Variants in CWF19L2 observed in about 807,000 individuals in gnomAD.
CWF19L2 encodes CWF19 like cell cycle control factor 2, also known as CWF19-like protein 2.
CWF19L2 carries 98 observed loss-of-function variants against 111.7 expected under a neutral mutation model. The ratio of observed to expected loss-of-function variants is 0.88; its 90% CI spans 0.75 to 1.04. The LOEUF is 1.04. Among genes scored for constraint, CWF19L2 ranks in the 50% least tolerant of loss-of-function variants. The probability of loss-of-function intolerance (pLI) is 0.00; values close to 1 mark genes in which losing one functional copy is unlikely to be tolerated. For missense variants in CWF19L2, 1,101 were observed against 1,051.4 expected, an observed-to-expected ratio of 1.05 and a Z score of -0.65; for synonymous variants, 351 against 342.9, an observed-to-expected ratio of 1.02 and a Z score of -0.26.
chr11:107,373,753 G>C lies in CWF19L2; in HGVS notation c.1872+16321C>G, dbSNP rs1383461980. Among the ~76,000 whole-genome samples the C allele has an allele frequency of 1.3e-4, 18 of 133,764 alleles. 3 individuals are homozygous for C. The highest frequency in any genetic ancestry group is 5.3e-4 in the African/African-American group (18 of 33,682). 87.8% of individuals were successfully genotyped at this position (133,764 alleles called of 152,430 possible). Reference sequence around the variant, plus strand: ...GGAACGCAGTTCCTCACCAGCAACGGAACAAAGCTGGATGGAGAATGACTT... The same window carrying C: ...GGAACGCAGTTCCTCACCAGCAACGCAACAAAGCTGGATGGAGAATGACTT... On this transcript the variant is annotated intron_variant, in intron 12 of 17. Transcript: ENST00000282251.
chr11:107,342,163 A>G (rs573420215), intron 14 of CWF19L2, among the ~76,000 whole-genome samples: 49 of 151,840 alleles, frequency 3.2e-4, no homozygotes, highest in African/African-American at 1.1e-3. Flanking sequence ...TCTTTTCTAT[A>G]AGTATTTAGT....
At chr11:107,358,289 G>C (rs1471165076) in intron 12 of CWF19L2, among the ~76,000 whole-genome samples, 2 of 147,812 alleles carry the variant, frequency 1.4e-5, no homozygotes, top group African/African-American at 5.1e-5. Context: ...ATTGGAAGAA[G>C]AACCATCTTG....
intron 10 of CWF19L2, among the ~76,000 whole-genome samples, chr11:107,413,648 G>A (rs910150180): frequency 6.6e-6 from 1 of 152,170 alleles, no homozygotes; most frequent in African/African-American, 2.4e-5. Flanking sequence ...TCTAGCTATC[G>A]TCCCAGTCCC....
chr11:107,368,681 A>C lies in CWF19L2; in HGVS notation c.1873-14945T>G, dbSNP rs1018375704. The stretch of plus-strand genomic sequence containing the variant: ...GCAGAATGTGTTTTTCTAATTAGCA[A>C]AACTTTCCAAATAGCTAAGGGTTTA... On this transcript the variant is annotated intron_variant, in intron 12 of 17. Coordinates refer to ENST00000282251, the MANE Select transcript of CWF19L2 (RefSeq NM_152434.3). Among the ~76,000 whole-genome samples, 13 of 138,492 alleles carry C rather than the reference A, an allele frequency of 9.4e-5. 4 individuals carry two copies. The highest frequency in any genetic ancestry group is 3.7e-4 in the African/African-American group (13 of 34,982). The allele number at this position is 138,492 out of a possible 152,430, so 90.9% of individuals were successfully genotyped here.
intron 12 of CWF19L2, among the ~76,000 whole-genome samples, chr11:107,375,618 A>T (rs1416249250): frequency 2.0e-4 from 27 of 133,308 alleles, no homozygotes; most frequent in African/African-American, 7.9e-4. Flanking sequence ...ACGCATTCAA[A>T]GCAGTGTGTA....
chr11:107,350,137 T>C (rs948444661), intron 13 of CWF19L2, among the ~76,000 whole-genome samples: 20 of 152,238 alleles, frequency 1.3e-4, no homozygotes, highest in Admixed American at 1.2e-3. Flanking sequence ...CTAAATAAAT[T>C]AGAACACACA....
intron 3 of CWF19L2, among the ~76,000 whole-genome samples, chr11:107,449,544 T>C (rs1050799002): frequency 6.6e-6 from 1 of 152,002 alleles, no homozygotes; most frequent in Non-Finnish European, 1.5e-5. Context: ...ATAACATATG[T>C]AGAAGTAAAA....
intron 10 of CWF19L2, among the ~76,000 whole-genome samples, chr11:107,393,247 T>C (rs1284100773): frequency 6.6e-6 from 1 of 152,172 alleles, no homozygotes; most frequent in Non-Finnish European, 1.5e-5. Context: ...AAAGATCCTA[T>C]TAAAATCTGA....
At chr11:107,442,252 T>C (rs1373300194) in intron 4 of CWF19L2, among the ~76,000 whole-genome samples, 2 of 152,214 alleles carry the variant, frequency 1.3e-5, no homozygotes, top group African/African-American at 4.8e-5. Flanking sequence ...TTCTAAACAT[T>C]CAGCAAACAG....
chr11:107,412,749 T>C (rs1861175647), intron 10 of CWF19L2, among the ~76,000 whole-genome samples: 1 of 152,206 alleles, frequency 6.6e-6, no homozygotes, highest in African/African-American at 2.4e-5. Flanking sequence ...TGTCCTCCAA[T>C]AGGTGAATGA....
chr11:107,413,469 G>A (rs1423993142), intron 10 of CWF19L2, among the ~76,000 whole-genome samples: 1 of 152,168 alleles, frequency 6.6e-6, no homozygotes, highest in Non-Finnish European at 1.5e-5. Flanking sequence ...GGTAGGACTG[G>A]AAAACAGGGC....
chr11:107,387,625 A>T (rs79318603), intron 12 of CWF19L2, among the ~76,000 whole-genome samples: 2,647 of 152,098 alleles, frequency 0.017, 59 homozygotes, highest in African/African-American at 0.059. Context: ...GTGGCAGGGC[A>T]GTGGTGGGGG....
chr11:107,397,894 T>G (rs1335257465), intron 10 of CWF19L2, among the ~76,000 whole-genome samples: 2 of 152,126 alleles, frequency 1.3e-5, no homozygotes, highest in African/African-American at 4.8e-5. Context: ...ACTTGCTGGG[T>G]GGCTAGACCC....
intron 7 of CWF19L2, among the ~76,000 whole-genome samples, chr11:107,431,959 A>C (rs1565281981): frequency 1.3e-5 from 2 of 152,204 alleles, no homozygotes; most frequent in Non-Finnish European, 2.9e-5. Flanking sequence ...GAAAAATTAA[A>C]GATAAAACAT....
At chr11:107,396,747 G>A (rs892680131) in intron 10 of CWF19L2, among the ~76,000 whole-genome samples, 22 of 152,138 alleles carry the variant, frequency 1.4e-4, no homozygotes, top group Admixed American at 1.4e-3. Context: ...CAGATTGACT[G>A]TAAGAACAAA....
At chr11:107,345,333 A>C in intron 14 of CWF19L2, 1 of 324,678 alleles carries the variant, frequency 3.1e-6, no homozygotes, top group Non-Finnish European at 6.0e-6. Flanking sequence ...TTTGTAACCC[A>C]AACTTTTTCA....
chr11:107,382,534 G>A (rs1860702138), intron 12 of CWF19L2, among the ~76,000 whole-genome samples: 1 of 152,158 alleles, frequency 6.6e-6, no homozygotes, highest in African/African-American at 2.4e-5. Flanking sequence ...TGATTTCGAA[G>A]GAAGAAATTT....
intron 14 of CWF19L2, among the ~76,000 whole-genome samples, chr11:107,343,450 A>G (rs1030160671): frequency 6.6e-6 from 1 of 152,146 alleles, no homozygotes; most frequent in Admixed American, 6.5e-5. Flanking sequence ...GCTGCATAAT[A>G]TATATTTTTC....
intron 12 of CWF19L2, among the ~76,000 whole-genome samples, chr11:107,379,277 T>G (rs1860645282): frequency 6.6e-6 from 1 of 152,230 alleles, no homozygotes; most frequent in African/African-American, 2.4e-5. Context: ...TTCCTGCCCC[T>G]TATTTGGGAC....
Sources: allele counts gnomAD v4.1 joint callset (sites outside exome capture counted in the v4.1 genomes callset), GRCh38; gene constraint gnomAD v4.1.1; transcripts MANE v1.5; gene names NCBI Gene and HGNC (gene_info 2026-07-23, HGNC 2026-07-21).